Variants in SLC5A1 observed in about 807,000 individuals in gnomAD.
The protein encoded by SLC5A1 is solute carrier family 5 member 1, also known as sodium/glucose cotransporter 1.
In SLC5A1, 42 loss-of-function variants were observed where a neutral mutation model predicts 73.5. The observed-to-expected ratio is 0.57, with a 90% CI of 0.45 to 0.74. SLC5A1 has a LOEUF of 0.74. Ranked by LOEUF, SLC5A1 falls within the 30% of genes least tolerant of loss-of-function variation. SLC5A1 has a pLI of 0.00. For synonymous variants in SLC5A1, 300 were observed against 317.4 expected, an observed-to-expected ratio of 0.95 and a Z score of 0.58; for missense variants, 634 against 855.4, an observed-to-expected ratio of 0.74 and a Z score of 3.23.
Position 32,080,929 on chromosome 22 carries a change from G to A in SLC5A1, c.478-937G>A, listed in dbSNP as rs147672934. Among the ~76,000 whole-genome samples the A allele has an allele frequency of 6.8e-3, 1,034 of 152,288 alleles. 9 individuals carry two copies. Among genetic ancestry groups the A allele is most frequent in the Admixed American group, 0.019 (285 of 15,302 alleles). Reference sequence around the variant, plus strand: ...GAATCGCTTGAACCCAGGAGGCAGAGGTTGCAGTGAGTTGAGATCGCACCA... The same window carrying A: ...GAATCGCTTGAACCCAGGAGGCAGAAGTTGCAGTGAGTTGAGATCGCACCA... On this transcript the variant is annotated intron_variant, in intron 5 of 14. Coordinates refer to ENST00000266088, the MANE Select transcript of SLC5A1 (RefSeq NM_000343.4).
intron 5 of SLC5A1, among the ~76,000 whole-genome samples, chr22:32,076,104 C>T (rs1005113124): frequency 1.3e-5 from 2 of 152,128 alleles, no homozygotes; most frequent in Admixed American, 6.5e-5. Context: ...CAACCAGGGA[C>T]CTGCCACGAA....
intron 2 of SLC5A1, among the ~76,000 whole-genome samples, chr22:32,066,577 T>C (rs733907): frequency 0.045 from 6,808 of 152,284 alleles, 204 homozygotes; most frequent in Non-Finnish European, 0.07. Context: ...CAAGGGCTCA[T>C]GCTCCTAGGC....
In SLC5A1 at chr22:32,104,885, G is replaced by C. The variant is rs199727071; in HGVS notation, c.1765G>C (p.Glu589Gln). Reference sequence around the variant, plus strand: ...CCAAGAAGGCCCTAAGGAGACCATTGAAATAGGTGACTTATGACCCAGAGC... The same window carrying C: ...CCAAGAAGGCCCTAAGGAGACCATTCAAATAGGTGACTTATGACCCAGAGC... ...NIQEGPKETI[E>Q]IETQVPEKKK... is the part of the protein sequence containing the mutation. Residue 589 changes from glutamate (E) to glutamine (Q), a missense_variant, in exon 14 of 15, where the codon GAA becomes CAA. Physicochemically the swap from Glu to Gln is conservative, Grantham distance 29 (BLOSUM62 2). Transcript: ENST00000266088. 2.5e-6 allele frequency: 4 copies of C among 1,608,872 alleles called. No individual in the cohort carries two copies. Among genetic ancestry groups the C allele is most frequent in the Non-Finnish European group, 3.4e-6 (4 of 1,175,214 alleles).
rs141099604 is a variant in SLC5A1 at position 32,098,733 on chromosome 22, AGTG to A, written c.1281-438_1281-436del. Among the ~76,000 whole-genome samples, 834 of 152,090 alleles carry A rather than the reference AGTG, an allele frequency of 5.5e-3. 14 individuals carry two copies. Among genetic ancestry groups the A allele is most frequent in the African/African-American group, 0.019 (783 of 41,490 alleles). ...TGCTGTGGTTATATTTGCTGCTGGT[AGTG>A]GTGGTGGTGGTAGTGTGTATATGTA... On this transcript the variant is annotated intron_variant, in intron 11 of 14. Coordinates refer to ENST00000266088, the MANE Select transcript of SLC5A1 (RefSeq NM_000343.4).
At chr22:32,060,052 CATATAT>C (rs1184166773) in intron 2 of SLC5A1, among the ~76,000 whole-genome samples, 6 of 115,524 alleles carry the variant, frequency 5.2e-5, no homozygotes, top group South Asian at 2.9e-4. Context: ...CACACACACA[CATATAT>C]ACACACACAT....
chr22:32,108,108 A>ATTT (rs747034400), intron 14 of SLC5A1, among the ~76,000 whole-genome samples: 7 of 142,534 alleles, frequency 4.9e-5, no homozygotes, highest in African/African-American at 1.3e-4. Flanking sequence ...AGGCCATTCA[A>ATTT]TTTTTTTTTT....
rs1410893261 is a variant in SLC5A1 at position 32,099,237 on chromosome 22, G to C, written c.1335G>C (p.Gln445His). The C allele has an allele frequency of 2.5e-6, 4 of 1,612,928 alleles. No homozygotes were observed. The African/African-American group carries it at 5.4e-5, about 22-fold the overall frequency. ...GCATCGCCTGGGTGCCCATTGTGCA[G>C]TCAGCACAAAGTGGGCAACTCTTCG... ...GISIAWVPIV[Q>H]SAQSGQLFDY... is the part of the protein sequence containing the mutation. The change falls in exon 12 of 15, where the codon CAG becomes CAC. Residue 445 changes from glutamine (Q) to histidine (H), a missense_variant. Transcript: ENST00000266088.
chr22:32,088,337 T>A (rs1320355516), intron 10 of SLC5A1, among the ~76,000 whole-genome samples: 3 of 83,498 alleles, frequency 3.6e-5, no homozygotes, highest in Non-Finnish European at 6.3e-5. Context: ...ACTGCATTCC[T>A]TTTTTTTTTT....
intron 9 of SLC5A1, among the ~76,000 whole-genome samples, chr22:32,085,449 T>C (rs1049778766): frequency 2.6e-5 from 4 of 152,048 alleles, no homozygotes; most frequent in Non-Finnish European, 5.9e-5. Flanking sequence ...GTTATGGTCA[T>C]ATCCAAGCAT....
At chr22:32,103,091 A>G (rs1189408420) in intron 13 of SLC5A1, among the ~76,000 whole-genome samples, 7 of 152,232 alleles carry the variant, frequency 4.6e-5, no homozygotes, top group Non-Finnish European at 1.0e-4. Flanking sequence ...TATATCCAGT[A>G]GTAGAATTGC....
chr22:32,047,248 A>G (rs950513318), intron 1 of SLC5A1, among the ~76,000 whole-genome samples: 3 of 152,222 alleles, frequency 2.0e-5, no homozygotes, highest in South Asian at 4.1e-4. Flanking sequence ...TCCAGAGAAG[A>G]AAAGACTTGG....
intron 1 of SLC5A1, among the ~76,000 whole-genome samples, chr22:32,046,268 C>T (rs1210016262): frequency 1.3e-5 from 2 of 152,164 alleles, no homozygotes; most frequent in African/African-American, 4.8e-5. Flanking sequence ...CTACCTTTCC[C>T]ACTCCCCAAG....
rs183433943 is a variant in SLC5A1, at chr22:32,092,723, T to C, written c.1280+961T>C. Among the ~76,000 whole-genome samples the C allele has an allele frequency of 1.6e-3, 243 of 152,354 alleles. 1 individual carries two copies. The highest frequency in any genetic ancestry group is 5.7e-3 in the African/African-American group (236 of 41,582). On this transcript the variant is annotated intron_variant, in intron 11 of 14. Coordinates refer to ENST00000266088, the MANE Select transcript of SLC5A1 (RefSeq NM_000343.4). ...GGATATTAGTCCTTTGTTGGAAGTATAGATTGTGAAGATTTTCTGCCACTG... is the reference window on the plus strand; with the variant it reads ...GGATATTAGTCCTTTGTTGGAAGTACAGATTGTGAAGATTTTCTGCCACTG...
At chr22:32,049,195 CTAT>C (rs2093941848) in intron 1 of SLC5A1, among the ~76,000 whole-genome samples, 2 of 122,952 alleles carry the variant, frequency 1.6e-5, no homozygotes, top group Non-Finnish European at 3.6e-5. Context: ...ATATCTATAT[CTAT>C]ATCTATATCT....
chr22:32,109,993 C>T lies in SLC5A1; in HGVS notation c.1775C>T (p.Thr592Ile), dbSNP rs750701498. The T allele has an allele frequency of 2.5e-6, 4 of 1,613,894 alleles. No homozygotes were observed. Among genetic ancestry groups the T allele is most frequent in the Admixed American group, 1.7e-5 (1 of 60,006 alleles). ...EGPKETIEIE[T>I]QVPEKKKGIF... ...ATTCTTCTATGCCTTTGCCCAGAAACACAAGTTCCTGAGAAGAAAAAAGGA... is the reference window on the plus strand; with the variant it reads ...ATTCTTCTATGCCTTTGCCCAGAAATACAAGTTCCTGAGAAGAAAAAAGGA... The change falls in exon 15 of 15, where the codon ACA (threonine) becomes ATA (isoleucine). Residue 592 changes from threonine (T) to isoleucine (I), a missense_variant. Around this residue, in one of 3 missense-constraint regions of SLC5A1, gnomAD observed 161 missense variants for 178.7 expected, o/e 0.90. Coordinates refer to ENST00000266088, the MANE Select transcript of SLC5A1 (RefSeq NM_000343.4).
intron 11 of SLC5A1, among the ~76,000 whole-genome samples, chr22:32,092,604 A>G (rs1219571458): frequency 1.3e-5 from 2 of 152,132 alleles, no homozygotes; most frequent in Non-Finnish European, 2.9e-5. Context: ...ATCCACACCA[A>G]TATCTATTTT....
chr22:32,064,922 G>A (rs1360831588), intron 2 of SLC5A1, among the ~76,000 whole-genome samples: 1 of 152,132 alleles, frequency 6.6e-6, no homozygotes, highest in Non-Finnish European at 1.5e-5. Flanking sequence ...ATCCTCCAGT[G>A]TCATCCCATC....
At chr22:32,056,554 C>G (rs2093952270) in intron 2 of SLC5A1, among the ~76,000 whole-genome samples, 1 of 148,194 alleles carries the variant, frequency 6.7e-6, no homozygotes, top group South Asian at 2.1e-4. Context: ...GATAGGCAGA[C>G]TTAACTGTAT....
At position 32,043,303 on chromosome 22, in the gene SLC5A1, C is replaced by A. The variant is rs1333934018; in HGVS notation, c.22C>A (p.Pro8Thr). The change falls in exon 1 of 15, where the codon CCC becomes ACC. Residue 8 changes from proline to threonine, a missense_variant. Transcript: ENST00000266088. This position sits in a 1 kb window ranked among gnomAD's most constrained non-coding sequence, Gnocchi z 6.5. The part of the protein sequence containing the change: MDSSTWS[P>T]KTTAVTRPVE... Reference sequence around the variant, plus strand: ...CACCATGGACAGTAGCACCTGGAGCCCCAAGACCACCGCGGTCACCCGGCC... The same window carrying A: ...CACCATGGACAGTAGCACCTGGAGCACCAAGACCACCGCGGTCACCCGGCC... The A allele has an allele frequency of 1.2e-6, 2 of 1,614,094 alleles. No homozygotes were observed. The highest frequency in any genetic ancestry group is 1.7e-6 in the Non-Finnish European group (2 of 1,180,030).
Sources: allele counts gnomAD v4.1 joint callset (sites outside exome capture counted in the v4.1 genomes callset), GRCh38; gene constraint gnomAD v4.1.1; regional missense constraint gnomAD v4.1.1; non-coding constraint Gnocchi (gnomAD v3.1); transcripts MANE v1.5; gene names NCBI Gene and HGNC (gene_info 2026-07-23, HGNC 2026-07-21).